EPB41L2: variants seen among roughly 807,000 people sequenced by gnomAD.
The protein encoded by EPB41L2 is erythrocyte membrane protein band 4.1 like 2, also known as band 4.1-like protein 2.
In EPB41L2, 43 loss-of-function variants were observed where a neutral mutation model predicts 113.0. That is an observed-to-expected ratio of 0.38 (90% CI 0.30 to 0.49). The LOEUF is 0.49. Among genes scored for constraint, EPB41L2 ranks in the 20% least tolerant of loss-of-function variants. EPB41L2 has a pLI of 0.95. For missense variants in EPB41L2, 1,147 were observed against 1,223.4 expected (o/e 0.94, Z 0.93); for synonymous variants, 442 against 436.7 (o/e 1.01, Z -0.15).
intron 12 of EPB41L2, 32 bp from the exon 13 acceptor site, chr6:130,880,238 A>G (rs774907439): frequency 6.7e-7 from 1 of 1,499,506 alleles, no homozygotes. Context: ...AGGGGGGAAA[A>G]GGCAAATAAA....
chr6:130,846,177 TG>T (rs1776995878), intron 19 of EPB41L2, among the ~76,000 whole-genome samples: 1 of 152,220 alleles, frequency 6.6e-6, no homozygotes, highest in African/African-American at 2.4e-5. Context: ...AGGAGATCAG[TG>T]GCAGCGAATG....
chr6:130,933,161 A>G (rs182564963), intron 3 of EPB41L2, among the ~76,000 whole-genome samples: 45 of 152,322 alleles, frequency 3.0e-4, no homozygotes, highest in African/African-American at 1.0e-3. Flanking sequence ...CTAGTCTTGC[A>G]CATTCCTCCA....
In EPB41L2 at chr6:130,964,958, A is replaced by T. The variant is rs182551848; in HGVS notation, c.-14-8459T>A. Reference sequence around the variant, plus strand: ...CCTTCAATCCCAAAACGACTTCACTACTATATAACTTGCACCTAGCATGAT... The same window carrying T: ...CCTTCAATCCCAAAACGACTTCACTTCTATATAACTTGCACCTAGCATGAT... On this transcript the variant is annotated intron_variant, in intron 1 of 19. Transcript: ENST00000337057. 2.0e-5 allele frequency among the ~76,000 whole-genome samples: 3 copies of T among 152,316 alleles called. No individual in the cohort carries two copies. In the East Asian group the frequency reaches 5.8e-4, roughly 29 times the overall value.
At chr6:130,938,567 G>A (rs1809696898) in intron 3 of EPB41L2, among the ~76,000 whole-genome samples, 1 of 152,150 alleles carries the variant, frequency 6.6e-6, no homozygotes, top group Admixed American at 6.5e-5. Flanking sequence ...AGCAGCTTTG[G>A]GTGAACATGG....
chr6:130,921,086 A>G (rs1802722955), intron 4 of EPB41L2, among the ~76,000 whole-genome samples: 1 of 152,026 alleles, frequency 6.6e-6, no homozygotes, highest in African/African-American at 2.4e-5. Flanking sequence ...GACTGCAGAC[A>G]TTACCTACAC....
intron 4 of EPB41L2, among the ~76,000 whole-genome samples, chr6:130,915,350 T>C (rs1243210650): frequency 1.3e-5 from 2 of 152,170 alleles, no homozygotes; most frequent in African/African-American, 2.4e-5. Context: ...AAACATGAAA[T>C]TGGGAGGTAA....
At chr6:130,870,575 T>C (rs1023411860) in intron 14 of EPB41L2, among the ~76,000 whole-genome samples, 31 of 152,054 alleles carry the variant, frequency 2.0e-4, no homozygotes, top group African/African-American at 7.5e-4. Context: ...ACAGCCAGCA[T>C]CCTCCCAAAG....
In EPB41L2 at chr6:130,956,435, C is replaced by G; in HGVS notation, c.51G>C (p.Gln17His). The change falls in exon 2 of 20, where the codon CAG becomes CAC. Residue 17 changes from glutamine to histidine, a missense_variant. Gln to His is a conservative substitution (Grantham distance 24). Coordinates refer to ENST00000337057, the MANE Select transcript of EPB41L2 (RefSeq NM_001431.4). ...TTTCCTTGGTTGCATCTGTTCCTAA[C>G]TGGCTAGAGTCCTTCTTCACTTCAG... ...SVSEVKKDSSQLGTDATKEKP... is the reference protein window; with the variant it reads ...SVSEVKKDSSHLGTDATKEKP... The G allele has an allele frequency of 3.1e-6, 5 of 1,614,072 alleles. No homozygotes were observed. Among genetic ancestry groups the G allele is most frequent in the Non-Finnish European group, 4.2e-6 (5 of 1,180,042 alleles).
chr6:130,923,060 C>A (rs1438834956), intron 4 of EPB41L2, among the ~76,000 whole-genome samples: 2 of 152,156 alleles, frequency 1.3e-5, no homozygotes, highest in Non-Finnish European at 2.9e-5. Flanking sequence ...AGTCCTCCTA[C>A]CCTTCTTACT....
intron 1 of EPB41L2, among the ~76,000 whole-genome samples, chr6:131,012,361 G>T (rs1787232213): frequency 6.7e-6 from 1 of 149,076 alleles, no homozygotes. Context: ...TTATTGTGAG[G>T]AGCTGTCCCT....
intron 11 of EPB41L2, among the ~76,000 whole-genome samples, chr6:130,889,772 G>C (rs1792175543): frequency 6.6e-6 from 1 of 152,148 alleles, no homozygotes; most frequent in Admixed American, 6.5e-5. Context: ...TAAAACATAT[G>C]TGTCCAACAT....
chr6:130,876,246 TA>T (rs1787528770), intron 14 of EPB41L2, among the ~76,000 whole-genome samples: 2 of 152,176 alleles, frequency 1.3e-5, no homozygotes, highest in South Asian at 4.1e-4. Context: ...TTGTTCCCAT[TA>T]AAAATCTTAC....
At chr6:130,991,065 G>C (rs552227721) in intron 1 of EPB41L2, among the ~76,000 whole-genome samples, 8 of 152,050 alleles carry the variant, frequency 5.3e-5, no homozygotes, top group Non-Finnish European at 8.8e-5. Context: ...TCGTAACCTC[G>C]TGATCCGCCA....
intron 12 of EPB41L2, 80 bp from the exon 13 acceptor site, chr6:130,880,286 G>C (rs182199833): frequency 1.4e-4 from 129 of 923,696 alleles, no homozygotes; most frequent in Non-Finnish European, 1.9e-4. Context: ...AAATGACCCA[G>C]AGTTCGACAG....
At chr6:131,035,989 G>A (rs1188449667) in intron 1 of EPB41L2, among the ~76,000 whole-genome samples, 1 of 152,204 alleles carries the variant, frequency 6.6e-6, no homozygotes, top group Non-Finnish European at 1.5e-5. Flanking sequence ...TCTTCAAAGT[G>A]AAAAGTGAAC....
intron 3 of EPB41L2, among the ~76,000 whole-genome samples, chr6:130,941,252 A>T (rs934078359): frequency 1.3e-5 from 2 of 152,190 alleles, no homozygotes; most frequent in African/African-American, 4.8e-5. Context: ...AAAAATGAAA[A>T]CCCAGGATTT....
In EPB41L2 at chr6:131,007,329, C is replaced by G. The variant is rs564778876; in HGVS notation, c.-14-50830G>C. ...CGCCCTGTGAGGAGGTGTCTTCCACCGTAACTTTGTTTCCTGAGGCTTCCC... is the reference window on the plus strand; with the variant it reads ...CGCCCTGTGAGGAGGTGTCTTCCACGGTAACTTTGTTTCCTGAGGCTTCCC... On this transcript the variant is annotated intron_variant, in intron 1 of 19. Coordinates refer to ENST00000337057, the MANE Select transcript of EPB41L2 (RefSeq NM_001431.4). Among the ~76,000 whole-genome samples the G allele has an allele frequency of 3.3e-5, 5 of 152,278 alleles. No individual in the cohort carries two copies. In the East Asian group the frequency reaches 9.7e-4, roughly 29 times the overall value.
intron 13 of EPB41L2, 136 bp downstream of exon 13, chr6:130,880,008 C>T: frequency 3.2e-6 from 2 of 619,754 alleles, no homozygotes; most frequent in South Asian, 4.2e-5. Context: ...TGGTAACATG[C>T]ACTCCCGAGC....
chr6:130,957,578 T>A (rs1208846551), intron 1 of EPB41L2, among the ~76,000 whole-genome samples: 1 of 151,896 alleles, frequency 6.6e-6, no homozygotes, highest in Non-Finnish European at 1.5e-5. Flanking sequence ...GAAACATGCT[T>A]GAGCCCAGGA....
Sources: gnomAD v4.1 joint callset for allele counts (sites outside exome capture counted in the v4.1 genomes callset) on GRCh38, gnomAD v4.1.1 for gene constraint, MANE v1.5 for transcripts, NCBI Gene and HGNC (gene_info 2026-07-23, HGNC 2026-07-21) for gene names.